Variants in TDRD5 observed in about 807,000 individuals in gnomAD.
The protein encoded by TDRD5 is tudor domain containing 5.
TDRD5 carries 41 observed loss-of-function variants against 120.6 expected under a neutral mutation model. That is an observed-to-expected ratio of 0.34 (90% CI 0.26 to 0.44). The LOEUF is 0.44. Among genes scored for constraint, TDRD5 ranks in the 20% least tolerant of loss-of-function variants. The pLI is 1.00. For missense variants in TDRD5, 1,006 were observed against 1,221.2 expected (o/e 0.82, Z 2.63); for synonymous variants, 430 against 433.7 (o/e 0.99, Z 0.11).
At position 179,645,117 on chromosome 1, in the gene TDRD5, G is replaced by T. The variant is rs1312851437; in HGVS notation, c.1800+4672G>T. ...TTTTTTTTTTTTGAGACGGAGTCTC[G>T]CTCTGTCGCCCAGGCTGGAGTGCAG... On this transcript the variant is annotated intron_variant, in intron 11 of 17. Transcript: ENST00000444136. Among the ~76,000 whole-genome samples, 6 of 114,172 alleles carry T rather than the reference G, an allele frequency of 5.3e-5. No homozygotes were observed. The East Asian group carries it at 1.6e-3, about 30-fold the overall frequency. 74.9% of individuals were successfully genotyped at this position (114,172 alleles called of 152,430 possible). A position where few individuals can be genotyped will look rare whatever the true frequency, so the allele number is the denominator to read the frequency against.
chr1:179,602,564 G>A (rs1252657104), intron 4 of TDRD5, among the ~76,000 whole-genome samples: 1 of 152,198 alleles, frequency 6.6e-6, no homozygotes, highest in African/African-American at 2.4e-5. Flanking sequence ...TAAGGTGAGA[G>A]ATGAGGATCC....
chr1:179,650,400 C>CAAA (rs35053562), intron 11 of TDRD5, among the ~76,000 whole-genome samples: 26 of 90,880 alleles, frequency 2.9e-4, no homozygotes, highest in South Asian at 4.1e-4. Flanking sequence ...GACTCTGTCT[C>CAAA]AAAAAAAAAA....
chr1:179,603,139 A>G (rs2101923972), intron 4 of TDRD5, among the ~76,000 whole-genome samples: 1 of 152,014 alleles, frequency 6.6e-6, no homozygotes, highest in East Asian at 1.9e-4. Flanking sequence ...TTTTGCAGCT[A>G]TTGTGAAGGG....
intron 4 of TDRD5, among the ~76,000 whole-genome samples, chr1:179,600,315 A>G (rs1421460979): frequency 6.6e-6 from 1 of 152,182 alleles, no homozygotes. Flanking sequence ...TTTATCTTTT[A>G]TACTGTATTT....
intron 7 of TDRD5, among the ~76,000 whole-genome samples, chr1:179,633,262 A>G (rs1353316528): frequency 6.6e-6 from 1 of 152,158 alleles, no homozygotes; most frequent in Non-Finnish European, 1.5e-5. Flanking sequence ...CACCATCACA[A>G]AAAAATACAG....
intron 7 of TDRD5, among the ~76,000 whole-genome samples, chr1:179,632,364 A>G (rs938899444): frequency 1.3e-5 from 2 of 151,922 alleles, no homozygotes; most frequent in African/African-American, 4.8e-5. Flanking sequence ...GTATTTTTAT[A>G]AGCTTGAATG....
chr1:179,634,426 G>A (rs568821387), intron 7 of TDRD5, 31 bp from the exon 8 acceptor site: 1 of 1,576,176 alleles, frequency 6.3e-7, no homozygotes, highest in Non-Finnish European at 8.6e-7. Flanking sequence ...TTGAGATGGA[G>A]TTGTTTCATC....
intron 17 of TDRD5, among the ~76,000 whole-genome samples, chr1:179,678,770 T>G (rs2147801576): frequency 6.6e-6 from 1 of 152,356 alleles, no homozygotes; most frequent in African/African-American, 2.4e-5. Context: ...CTAAACTCAT[T>G]TGTTCTAATA....
intron 3 of TDRD5, 107 bp downstream of exon 3, chr1:179,593,974 G>A: frequency 7.1e-7 from 1 of 1,407,534 alleles, no homozygotes; most frequent in African/African-American, 1.4e-5. Flanking sequence ...CTACTTGCCA[G>A]CTGAGTGGTC....
intron 8 of TDRD5, among the ~76,000 whole-genome samples, 154 bp downstream of exon 8, chr1:179,634,783 T>C (rs571493117): frequency 1.1e-4 from 17 of 152,372 alleles, no homozygotes; most frequent in South Asian, 8.3e-4. Flanking sequence ...AGTTATGTCA[T>C]ATAGCATTCT....
chr1:179,634,201 T>A (rs1677630101), intron 7 of TDRD5, among the ~76,000 whole-genome samples: 1 of 151,874 alleles, frequency 6.6e-6, no homozygotes, highest in African/African-American at 2.4e-5. Context: ...AAAGAAACCT[T>A]ATCAGATCAC....
chr1:179,611,559 T>C (rs892843531), intron 4 of TDRD5, among the ~76,000 whole-genome samples: 5 of 152,190 alleles, frequency 3.3e-5, no homozygotes, highest in African/African-American at 1.2e-4. Flanking sequence ...CTTATTTCCA[T>C]TTTCTAAATT....
chr1:179,625,953 C>T (rs1437759589), intron 6 of TDRD5, among the ~76,000 whole-genome samples: 1 of 151,882 alleles, frequency 6.6e-6, no homozygotes, highest in African/African-American at 2.4e-5. Flanking sequence ...TCTCAGTAAA[C>T]CATCGCAAGA....
At chr1:179,643,276 C>T (rs145507681) in intron 11 of TDRD5, among the ~76,000 whole-genome samples, 196 of 152,028 alleles carry the variant, frequency 1.3e-3, no homozygotes, top group Middle Eastern at 6.8e-3. Context: ...TCCAGAAGCT[C>T]TAAAACATTG....
chr1:179,660,211 GTTTTTTTT>G (rs34435630), intron 14 of TDRD5, among the ~76,000 whole-genome samples: 1 of 58,222 alleles, frequency 1.7e-5, no homozygotes, highest in South Asian at 9.5e-4. Context: ...ATCTACTATG[GTTTTTTTT>G]TTTTTTTTTT....
chr1:179,652,293 G>A, intron 13 of TDRD5, 96 bp downstream of exon 13: 1 of 1,335,810 alleles, frequency 7.5e-7, no homozygotes, highest in Non-Finnish European at 1.0e-6. Context: ...ATTTTGGAAA[G>A]TTTGGAAATT....
rs190184131 is a variant in TDRD5 at position 179,628,249 on chromosome 1, C to T, written c.973-2518C>T. On this transcript the variant is annotated intron_variant, in intron 6 of 17. Transcript: ENST00000444136. ...TCTAAGAAAAGGATAATTAAAATTT[C>T]GTTGAAGGTGGAAGGAAAGTAAGGA... 2.8e-3 allele frequency among the ~76,000 whole-genome samples: 412 copies of T among 147,710 alleles called. 3 individuals carry two copies. Among genetic ancestry groups the T allele is most frequent in the African/African-American group, 9.7e-3 (387 of 39,890 alleles).
In TDRD5 at chr1:179,621,103, G is replaced by T. The variant is rs1676818286; in HGVS notation, c.972+12G>T. 1.9e-6 allele frequency: 3 copies of T among 1,587,378 alleles called. No homozygotes were observed. In the African/African-American group the frequency reaches 4.1e-5, roughly 22 times the overall value. On this transcript the variant is annotated intron_variant, in intron 6 of 17. Coordinates refer to ENST00000444136, the MANE Select transcript of TDRD5 (RefSeq NM_001199085.3). ...TTGGAGAGTATGAGGTAAGTGTTTT[G>T]CTTTTCCCCAACCCTAATTTTTTAT...
intron 6 of TDRD5, among the ~76,000 whole-genome samples, chr1:179,623,831 G>T (rs1415649665): frequency 1.3e-5 from 2 of 151,492 alleles, no homozygotes; most frequent in East Asian, 3.9e-4. Flanking sequence ...TAGAGACAGG[G>T]TCTCACCATG....
Sources: gnomAD v4.1 joint callset for allele counts (sites outside exome capture counted in the v4.1 genomes callset) on GRCh38, gnomAD v4.1.1 for gene constraint, MANE v1.5 for transcripts, NCBI Gene and HGNC (gene_info 2026-07-23, HGNC 2026-07-21) for gene names.